The following SMG5 variants were observed in gnomAD, a reference collection of about 807,000 sequenced individuals.
SMG5 encodes the protein nonsense-mediated mRNA decay factor SMG5.
SMG5 carries 53 observed loss-of-function variants against 122.9 expected under a neutral mutation model. The observed-to-expected ratio is 0.43, with a 90% CI of 0.35 to 0.54. The LOEUF (loss-of-function observed/expected upper bound fraction) is 0.54, where lower values mean the gene tolerates loss of function less well. SMG5 is among the 20% of genes least tolerant of loss of function. The pLI is 0.01. For missense variants in SMG5, 1,153 were observed against 1,285.6 expected (o/e 0.90, Z 1.58); for synonymous variants, 477 against 490.2 (o/e 0.97, Z 0.35).
rs749889372 is a variant in SMG5 at position 156,260,646 on chromosome 1, A to C, written c.2108-20T>G. The C allele has an allele frequency of 2.7e-6, 4 of 1,483,930 alleles. No individual in the cohort carries two copies. The highest frequency in any genetic ancestry group is 1.8e-4 in the Middle Eastern group (1 of 5,442). 91.9% of individuals were successfully genotyped at this position (1,483,930 alleles called of 1,614,324 possible). ...CCAGGCCTGGGCAGAAGAAGGACAC[A>C]TAAGACCATCTGTCCTGTGGGAACT... is the stretch of plus-strand genomic sequence containing the variant. On this transcript the variant is annotated intron_variant, in intron 14 of 21. Transcript: ENST00000361813.
At chr1:156,277,866 T>TTTCCTAGCTGTCTCTTCC in intron 3 of SMG5, 59 bp downstream of exon 3, 3 of 1,604,462 alleles carry the variant, frequency 1.9e-6, no homozygotes, top group Non-Finnish European at 2.6e-6. Context: ...CTGCGCCCAC[T>TTTCCTAGCTGTCTCTTCC]TTCCTAGCTG....
At chr1:156,260,367 C>T in intron 15 of SMG5, 84 bp downstream of exon 15, 2 of 1,481,452 alleles carry the variant, frequency 1.4e-6, no homozygotes, top group Non-Finnish European at 1.8e-6. Context: ...GGGCATCCTG[C>T]CCCCTCCCTC....
At chr1:156,253,167 G>A in intron 17 of SMG5, 89 bp from the exon 18 acceptor site, 1 of 1,401,408 alleles carries the variant, frequency 7.1e-7, no homozygotes, top group Non-Finnish European at 9.5e-7. Context: ...GCTCTATGGG[G>A]CTCCTCCTGT....
At chr1:156,288,792 C>T in the SMG5 span, among the ~76,000 whole-genome samples, 2 of 152,342 alleles carry the variant, frequency 1.3e-5, no homozygotes, top group East Asian at 3.9e-4. Context: ...CTTGCATTTT[C>T]TCCCAATAGG....
the SMG5 span, among the ~76,000 whole-genome samples, chr1:156,288,676 G>A: frequency 1.3e-5 from 2 of 152,112 alleles, no homozygotes; most frequent in Non-Finnish European, 2.9e-5. Context: ...CAGGTAGCTC[G>A]CTAAAATAAA....
In SMG5 at chr1:156,277,889, T is replaced by C. The variant is rs776985361; in HGVS notation, c.297+36A>G. On this transcript the variant is annotated intron_variant, in intron 3 of 21. Transcript: ENST00000361813. The stretch of plus-strand genomic sequence containing the variant: ...ACTTTCCTAGCTGTCTCTTCCTTCC[T>C]TGGCTTTCCCTCTTTAGACAAGGAC... 5.0e-6 allele frequency: 8 copies of C among 1,611,140 alleles called. No individual in the cohort carries two copies. In the African/African-American group the frequency reaches 6.7e-5, roughly 13 times the overall value.
chr1:156,260,365 T>C lies in SMG5; in HGVS notation c.2283+86A>G, dbSNP rs1661761349. ...CCTGTCTGAGTGGAAGAGGGCATCC[T>C]GCCCCCTCCCTCCCCAGATCTGAAC... On this transcript the variant is annotated intron_variant, in intron 15 of 21. Transcript: ENST00000361813. 2.7e-6 allele frequency: 4 copies of C among 1,480,348 alleles called. No individual in the cohort carries two copies. The South Asian group carries it at 3.8e-5, about 14-fold the overall frequency. The allele number at this position is 1,480,348 out of a possible 1,614,324, so 91.7% of individuals were successfully genotyped here. A position where few individuals can be genotyped will look rare whatever the true frequency, so the allele number is the denominator to read the frequency against.
chr1:156,277,880 C>A (rs947944129), intron 3 of SMG5, 45 bp downstream of exon 3: 2 of 1,609,510 alleles, frequency 1.2e-6, no homozygotes, highest in Non-Finnish European at 1.7e-6. Flanking sequence ...CTAGCTGTCT[C>A]TTCCTTCCTT....
chr1:156,285,159 C>A, upstream of SMG5: 1 of 1,496,846 alleles, frequency 6.7e-7, no homozygotes, highest in Non-Finnish European at 8.9e-7. Context: ...GGGTTTCTGA[C>A]AGAGCTTTCC....
intron 19 of SMG5, 92 bp from the exon 20 acceptor site, chr1:156,251,569 T>C: frequency 1.5e-6 from 2 of 1,300,626 alleles, no homozygotes; most frequent in Non-Finnish European, 2.2e-6. Context: ...GGGGCCTGGT[T>C]TTGCAGGCGG....
chr1:156,289,405 G>A, the SMG5 span, among the ~76,000 whole-genome samples: 66 of 152,266 alleles, frequency 4.3e-4, no homozygotes, highest in African/African-American at 1.5e-3. Flanking sequence ...TCAGGAGATC[G>A]AGACCATCCT....
intron 2 of SMG5, 83 bp downstream of exon 2, chr1:156,278,853 G>A (rs1156768180): frequency 3.5e-6 from 4 of 1,127,824 alleles, no homozygotes; most frequent in African/African-American, 1.5e-5. Context: ...AAAACAGAGT[G>A]CGTGTTTATA....
chr1:156,291,387 T>C, the SMG5 span: 2 of 1,613,990 alleles, frequency 1.2e-6, no homozygotes, highest in Admixed American at 3.3e-5. Context: ...CCCCATAGGC[T>C]GATCTACTGG....
chr1:156,264,570 T>A (rs1348649743), intron 12 of SMG5, among the ~76,000 whole-genome samples: 1 of 152,050 alleles, frequency 6.6e-6, no homozygotes, highest in Non-Finnish European at 1.5e-5. Flanking sequence ...GCTGCAGAGG[T>A]GCAGGAGGCC....
intron 9 of SMG5, 59 bp downstream of exon 9, chr1:156,268,056 G>C: frequency 6.4e-7 from 1 of 1,567,490 alleles, no homozygotes; most frequent in South Asian, 1.1e-5. Context: ...GGTTCCTTCT[G>C]TAAAGCATCA....
In SMG5 at chr1:156,282,620, T is replaced by C; in HGVS notation, c.61A>G (p.Lys21Glu). 6.2e-7 allele frequency: 1 copy of C among 1,608,986 alleles called. No homozygotes were observed. Among genetic ancestry groups the C allele is most frequent in the Non-Finnish European group, 8.5e-7 (1 of 1,179,666 alleles). The change falls in exon 1 of 22, where the codon AAG becomes GAG. Residue 21 changes from lysine to glutamate, a missense_variant. Transcript: ENST00000361813. ...SEPEAKVLHT[K>E]RLYRAVVEAV... The stretch of plus-strand genomic sequence containing the variant: ...GGCCCCTCTCACCGGTAAAGCCGCT[T>C]AGTGTGGAGGACTTTTGCTTCGGGC...
chr1:156,277,340 T>G (rs1662729204), intron 3 of SMG5, 99 bp from the exon 4 acceptor site: 1 of 1,300,516 alleles, frequency 7.7e-7, no homozygotes, highest in African/African-American at 1.5e-5. Flanking sequence ...TGGAACTTCA[T>G]CTACATCTAC....
chr1:156,291,502 G>A, the SMG5 span: 18 of 1,612,326 alleles, frequency 1.1e-5, no homozygotes, highest in East Asian at 4.0e-4. Context: ...TGTTCGTGGT[G>A]GAGCCGGAGC....
At chr1:156,285,748 G>A, upstream of SMG5, 1 of 1,613,328 alleles carries the variant, frequency 6.2e-7, no homozygotes, top group African/African-American at 1.3e-5. Context: ...AGCGCAAGTG[G>A]GCTGAGGCAG....
Sources: allele counts gnomAD v4.1 joint callset (sites outside exome capture counted in the v4.1 genomes callset), GRCh38; gene constraint gnomAD v4.1.1; transcripts MANE v1.5; gene names NCBI Gene and HGNC (gene_info 2026-07-23, HGNC 2026-07-21).